The following VPS13B variants were observed in gnomAD, a reference collection of about 807,000 sequenced individuals.
VPS13B encodes the protein intermembrane lipid transfer protein VPS13B.
VPS13B carries 285 observed loss-of-function variants against 426.4 expected under a neutral mutation model. That is an observed-to-expected ratio of 0.67 (90% confidence interval 0.61 to 0.74). The LOEUF (loss-of-function observed/expected upper bound fraction) is 0.74, where lower values mean the gene tolerates loss of function less well. Among genes scored for constraint, VPS13B ranks in the 30% least tolerant of loss-of-function variants. The pLI is 0.00. For missense variants in VPS13B, 4,537 were observed against 4,782.6 expected, an observed-to-expected ratio of 0.95 and a Z score of 1.51; for synonymous variants, 1,676 against 1,676.4, an observed-to-expected ratio of 1.00 and a Z score of 0.01.
chr8:99,505,146 G>A (rs1821426118), intron 27 of VPS13B, among the ~76,000 whole-genome samples: 1 of 152,166 alleles, frequency 6.6e-6, no homozygotes, highest in Non-Finnish European at 1.5e-5. Flanking sequence ...GGATTTAACA[G>A]AATGGTGTGT....
chr8:99,592,560 C>CT (rs1229120652), intron 33 of VPS13B, among the ~76,000 whole-genome samples: 1 of 150,904 alleles, frequency 6.6e-6, no homozygotes, highest in Non-Finnish European at 1.5e-5. Flanking sequence ...TAGAAAAAAA[C>CT]TTTTTAAAAA....
intron 42 of VPS13B, among the ~76,000 whole-genome samples, chr8:99,783,053 C>T (rs969188526): frequency 2.0e-5 from 3 of 152,106 alleles, no homozygotes; most frequent in Non-Finnish European, 4.4e-5. Context: ...AGCCTGCCCA[C>T]CTACTTCAAG....
intron 57 of VPS13B, among the ~76,000 whole-genome samples, chr8:99,859,904 G>A (rs1056094458): frequency 2.6e-5 from 4 of 152,188 alleles, no homozygotes; most frequent in African/African-American, 4.8e-5. Flanking sequence ...ACATGGAAGC[G>A]GATTTGGGGG....
chr8:99,138,193 C>T (rs116386069), intron 12 of VPS13B, among the ~76,000 whole-genome samples: 1,623 of 152,262 alleles, frequency 0.011, 34 homozygotes, highest in African/African-American at 0.037. Flanking sequence ...GCGTCATGAT[C>T]TCGGCTCACT....
At chr8:99,774,587 T>C (rs1298861539) in intron 40 of VPS13B, among the ~76,000 whole-genome samples, 1 of 152,202 alleles carries the variant, frequency 6.6e-6, no homozygotes, top group Non-Finnish European at 1.5e-5. Context: ...TCAAACTGTG[T>C]ACCCATTTTA....
rs546255386 is a variant in VPS13B at position 99,646,152 on chromosome 8, A to G, written c.5908+3654A>G. 2.6e-5 allele frequency among the ~76,000 whole-genome samples: 4 copies of G among 152,340 alleles called. No homozygotes were observed. In the East Asian group the frequency reaches 5.8e-4, roughly 22 times the overall value. ...AGGTCCAGGAAAAGTTAAAGGCATC[A>G]TAAGTTAAAAGTGAAAGAAGTAACA... On this transcript the variant is annotated intron_variant, in intron 34 of 61. Transcript: ENST00000357162.
chr8:99,091,505 A>G (rs1261189714), intron 3 of VPS13B, among the ~76,000 whole-genome samples: 1 of 152,096 alleles, frequency 6.6e-6, no homozygotes, highest in Non-Finnish European at 1.5e-5. Flanking sequence ...GATTGGTGCT[A>G]TATATTCCTC....
At chr8:99,016,512 T>A (rs1401944646) in intron 2 of VPS13B, among the ~76,000 whole-genome samples, 1 of 151,692 alleles carries the variant, frequency 6.6e-6, no homozygotes, top group Non-Finnish European at 1.5e-5. Flanking sequence ...CTATCTTTTT[T>A]TTTTTTTGTG....
chr8:99,861,816 C>G lies in VPS13B; in HGVS notation c.11085C>G (p.Ala3695=). 1 of 1,599,042 alleles carries G rather than the reference C, an allele frequency of 6.3e-7. No homozygotes were observed. Among genetic ancestry groups the G allele is most frequent in the Non-Finnish European group, 8.5e-7 (1 of 1,173,138 alleles). ...TCACCAACCTCGCCACAAGCCTGGC[C>G]CGGAACATGGACCGGCTCTCACTGG... ...TSITNLATSL[A]RNMDRLSLDE... is the part of the protein sequence containing the mutation. Residue 3695 remains alanine, a synonymous_variant, in exon 58 of 62, where the codon GCC becomes GCG. Transcript: ENST00000357162.
intron 33 of VPS13B, among the ~76,000 whole-genome samples, chr8:99,600,556 T>G (rs868119605): frequency 2.0e-5 from 3 of 152,288 alleles, no homozygotes; most frequent in Middle Eastern, 3.4e-3. Flanking sequence ...GATTCACATT[T>G]GGAATAGTGG....
chr8:99,838,483 C>T (rs1015645324), intron 54 of VPS13B, among the ~76,000 whole-genome samples: 1 of 152,156 alleles, frequency 6.6e-6, no homozygotes, highest in Non-Finnish European at 1.5e-5. Context: ...ACAAAGAAAA[C>T]ATAGTAGTTA....
At chr8:99,601,030 G>A (rs1331352152) in intron 33 of VPS13B, among the ~76,000 whole-genome samples, 7 of 151,706 alleles carry the variant, frequency 4.6e-5, no homozygotes, top group Non-Finnish European at 2.9e-5. Flanking sequence ...TTTAAGTTCT[G>A]GGATACATGT....
At chr8:99,148,580 A>G (rs987158226) in intron 14 of VPS13B, among the ~76,000 whole-genome samples, 5 of 152,214 alleles carry the variant, frequency 3.3e-5, no homozygotes, top group African/African-American at 1.2e-4. Flanking sequence ...CTATAATGCC[A>G]TAGACAATTA....
chr8:99,444,870 A>T (rs1817836884), intron 23 of VPS13B, among the ~76,000 whole-genome samples: 1 of 151,884 alleles, frequency 6.6e-6, no homozygotes. Context: ...ACCATGTTTC[A>T]CAGGTTGGTA....
intron 35 of VPS13B, among the ~76,000 whole-genome samples, chr8:99,662,992 G>A (rs959471): frequency 0.034 from 5,122 of 152,252 alleles, 125 homozygotes; most frequent in East Asian, 0.084. Flanking sequence ...GGGAGGCAAA[G>A]GTTGCAGTGA....
intron 31 of VPS13B, among the ~76,000 whole-genome samples, chr8:99,574,271 T>G (rs1420584971): frequency 2.0e-5 from 3 of 152,200 alleles, no homozygotes; most frequent in African/African-American, 7.2e-5. Context: ...CTTCCTCTTT[T>G]CCTAATTGAA....
intron 33 of VPS13B, among the ~76,000 whole-genome samples, chr8:99,616,233 C>G (rs1413833492): frequency 6.6e-6 from 1 of 152,066 alleles, no homozygotes; most frequent in Non-Finnish European, 1.5e-5. Context: ...AGTCTCTGGA[C>G]ATTTATTTCA....
intron 17 of VPS13B, among the ~76,000 whole-genome samples, chr8:99,246,044 G>T (rs1817199105): frequency 6.6e-6 from 1 of 152,114 alleles, no homozygotes; most frequent in African/African-American, 2.4e-5. Flanking sequence ...TGTTTTTTGA[G>T]ACTGTGTCTC....
intron 35 of VPS13B, among the ~76,000 whole-genome samples, chr8:99,674,951 C>A (rs1830869739): frequency 6.6e-6 from 1 of 151,592 alleles, no homozygotes; most frequent in Admixed American, 6.6e-5. Context: ...TATCTTTGAA[C>A]CTTTACACTA....
Sources: allele counts gnomAD v4.1 joint callset (sites outside exome capture counted in the v4.1 genomes callset), GRCh38; gene constraint gnomAD v4.1.1; transcripts MANE v1.5; gene names NCBI Gene and HGNC (gene_info 2026-07-23, HGNC 2026-07-21).